CCDC171: variants seen among roughly 807,000 people sequenced by gnomAD.
CCDC171 encodes coiled-coil domain-containing protein 171.
CCDC171 carries 177 observed loss-of-function variants against 168.2 expected under a neutral mutation model. The ratio of observed to expected loss-of-function variants is 1.05; its 90% CI spans 0.93 to 1.19. CCDC171 has a LOEUF of 1.19. Among genes scored for constraint, CCDC171 ranks in the 50% most tolerant of loss-of-function variants. CCDC171 has a pLI of 0.00. For synonymous variants in CCDC171, 687 were observed against 540.8 expected (o/e 1.27, Z -3.75); for missense variants, 1,991 against 1,539.0 (o/e 1.29, Z -4.91).
Position 15,678,905 on chromosome 9 carries a change from A to C in CCDC171, c.1215+9A>C. On this transcript the variant is annotated intron_variant, in intron 10 of 25. Coordinates refer to ENST00000380701, the MANE Select transcript of CCDC171 (RefSeq NM_173550.4). ...AGGAAGAACTAGTAATGGTAAGGAT[A>C]AAAAAGAAAACCCTATGGAAATCAC... 2 of 1,567,108 alleles carry C rather than the reference A, an allele frequency of 1.3e-6. No individual in the cohort carries two copies. Among genetic ancestry groups the C allele is most frequent in the Non-Finnish European group, 1.7e-6 (2 of 1,160,972 alleles).
chr9:16,068,673 A>G, the CCDC171 span, among the ~76,000 whole-genome samples: 6 of 151,962 alleles, frequency 3.9e-5, no homozygotes, highest in Non-Finnish European at 5.9e-5. Context: ...GAATCTACGT[A>G]AATCACAGTG....
chr9:15,848,701 G>A (rs2130780672), intron 22 of CCDC171, among the ~76,000 whole-genome samples, 192 bp from the exon 23 acceptor site: 1 of 151,584 alleles, frequency 6.6e-6, no homozygotes, highest in South Asian at 2.1e-4. Context: ...AATATGGTTA[G>A]TTTTTATAGT....
intron 9 of CCDC171, among the ~76,000 whole-genome samples, chr9:15,676,529 G>A (rs976627965): frequency 1.3e-4 from 20 of 151,914 alleles, no homozygotes; most frequent in East Asian, 5.8e-4. Flanking sequence ...TCTTGGAAGC[G>A]CTCGAGCTGG....
chr9:16,062,851 T>G (rs995981131), downstream of CCDC171, among the ~76,000 whole-genome samples: 1 of 152,178 alleles, frequency 6.6e-6, no homozygotes, highest in Admixed American at 6.5e-5. Context: ...AGGATGGAGT[T>G]CCAGGTGACA....
chr9:16,098,648 A>G, the CCDC171 span, among the ~76,000 whole-genome samples: 7 of 152,238 alleles, frequency 4.6e-5, no homozygotes, highest in Non-Finnish European at 8.8e-5. Context: ...CAAGGGATTA[A>G]GAGTGCTCCT....
intron 21 of CCDC171, among the ~76,000 whole-genome samples, chr9:15,807,467 C>G (rs1458426030): frequency 6.6e-6 from 1 of 152,104 alleles, no homozygotes. Flanking sequence ...ATAGAATAAC[C>G]TTTACTCAGG....
intron 9 of CCDC171, among the ~76,000 whole-genome samples, chr9:15,672,357 C>A (rs1423550498): frequency 6.6e-6 from 1 of 151,990 alleles, no homozygotes; most frequent in Non-Finnish European, 1.5e-5. Flanking sequence ...TAGTTTAATT[C>A]AATCCCATTT....
chr9:15,873,331 A>T (rs1817426662), intron 23 of CCDC171, among the ~76,000 whole-genome samples: 1 of 152,114 alleles, frequency 6.6e-6, no homozygotes, highest in Non-Finnish European at 1.5e-5. Flanking sequence ...AATGGAGGAG[A>T]AATTTTCTAT....
chr9:15,947,987 C>T (rs946714286), intron 25 of CCDC171, among the ~76,000 whole-genome samples: 1 of 150,708 alleles, frequency 6.6e-6, no homozygotes. Flanking sequence ...GCCCCCACCC[C>T]ACAACAGTCC....
intron 25 of CCDC171, among the ~76,000 whole-genome samples, chr9:15,947,918 G>A (rs1395678597): frequency 2.0e-5 from 3 of 151,648 alleles, no homozygotes; most frequent in Admixed American, 2.0e-4. Flanking sequence ...CTGGTGCGCT[G>A]CACCCACTAA....
chr9:15,736,292 T>G (rs1488837348), intron 16 of CCDC171, among the ~76,000 whole-genome samples: 1 of 152,196 alleles, frequency 6.6e-6, no homozygotes, highest in African/African-American at 2.4e-5. Context: ...TATTTTTATA[T>G]ATAAAGCAAT....
intron 8 of CCDC171, among the ~76,000 whole-genome samples, chr9:15,659,902 A>G (rs1339339649): frequency 2.6e-5 from 4 of 152,232 alleles, no homozygotes; most frequent in Non-Finnish European, 4.4e-5. Flanking sequence ...GTTAGTTACC[A>G]GAATTATTTT....
At chr9:15,569,672 G>C (rs139098975) in intron 2 of CCDC171, among the ~76,000 whole-genome samples, 1 of 151,476 alleles carries the variant, frequency 6.6e-6, no homozygotes, top group Non-Finnish European at 1.5e-5. Context: ...AAAATTAGCC[G>C]GGCGTGGTGG....
Position 15,972,061 on chromosome 9 carries a change from G to T in CCDC171, c.*225G>T. 4.0e-6 allele frequency: 2 copies of T among 494,218 alleles called. No homozygotes were observed. The highest frequency in any genetic ancestry group is 3.3e-5 in the South Asian group (1 of 29,872). The allele number at this position is 494,218 out of a possible 1,614,324, so 30.6% of individuals were successfully genotyped here. ...TGTTATCACAGTTGCTCATTTTTAT[G>T]TAACATATTTTTAAATGTTAAGGAA... On this transcript the variant is annotated 3_prime_UTR_variant, in exon 26 of 26. Coordinates refer to ENST00000380701, the MANE Select transcript of CCDC171 (RefSeq NM_173550.4).
At chr9:15,860,922 C>A (rs186520251) in intron 23 of CCDC171, among the ~76,000 whole-genome samples, 1 of 80,138 alleles carries the variant, frequency 1.2e-5, no homozygotes, top group Admixed American at 1.1e-4. Flanking sequence ...TATTTAGGTG[C>A]TCTGTTGTTA....
At chr9:15,597,653 G>A (rs1025005322) in intron 6 of CCDC171, among the ~76,000 whole-genome samples, 17 of 152,238 alleles carry the variant, frequency 1.1e-4, no homozygotes, top group African/African-American at 3.6e-4. Flanking sequence ...GATGATGCTG[G>A]CCTCATAAAA....
chr9:15,623,482 C>CACACACACAT, intron 7 of CCDC171, 69 bp downstream of exon 7: 1 of 599,366 alleles, frequency 1.7e-6, no homozygotes, highest in Non-Finnish European at 2.7e-6. Context: ...CGCGCACACA[C>CACACACACAT]ACACACACAC....
At chr9:15,636,005 A>C (rs957199492) in intron 7 of CCDC171, among the ~76,000 whole-genome samples, 2 of 152,052 alleles carry the variant, frequency 1.3e-5, no homozygotes, top group Non-Finnish European at 2.9e-5. Context: ...ATGGTACCTT[A>C]TTGTGGTTTT....
chr9:15,672,650 C>G (rs934210702), intron 9 of CCDC171, among the ~76,000 whole-genome samples: 1 of 152,148 alleles, frequency 6.6e-6, no homozygotes, highest in Admixed American at 6.5e-5. Context: ...TGTTGAAGAT[C>G]AGATGGTTGT....
Sources: allele counts gnomAD v4.1 joint callset (sites outside exome capture counted in the v4.1 genomes callset), GRCh38; gene constraint gnomAD v4.1.1; transcripts MANE v1.5; gene names NCBI Gene and HGNC (gene_info 2026-07-23, HGNC 2026-07-21).